The following TNRC6C variants were observed in gnomAD, a reference collection of about 807,000 sequenced individuals.
The protein encoded by TNRC6C is trinucleotide repeat-containing gene 6C protein.
A neutral mutation model predicts 153.7 loss-of-function variants in TNRC6C; 20 were observed. That is an observed-to-expected ratio of 0.13 (90% CI 0.09 to 0.19). TNRC6C has a LOEUF of 0.19. Ranked by LOEUF, TNRC6C falls within the 10% of genes least tolerant of loss-of-function variation. The probability of loss-of-function intolerance (pLI) is 1.00; values close to 1 mark genes in which losing one functional copy is unlikely to be tolerated. For synonymous variants in TNRC6C, 811 were observed against 841.4 expected (o/e 0.96, Z 0.63); for missense variants, 1,987 against 2,172.0 (o/e 0.91, Z 1.69).
At chr17:77,990,341 G>A (rs2071230794) in intron 1 of TNRC6C, among the ~76,000 whole-genome samples, 1 of 152,136 alleles carries the variant, frequency 6.6e-6, no homozygotes, top group Non-Finnish European at 1.5e-5. Flanking sequence ...TTACTCCCTT[G>A]CTTAAAATTC....
In TNRC6C at chr17:78,098,570, G is replaced by T. The variant is rs1275616445; in HGVS notation, c.4501+33G>T. ...CCATGCTCCTCGTGTTCCGATGGGG[G>T]CCTTACCCTTTAGGGGATGTGCTTA... On this transcript the variant is annotated intron_variant, in intron 17 of 19. Transcript: ENST00000301624. 6.3e-6 allele frequency: 10 copies of T among 1,593,810 alleles called. No individual in the cohort carries two copies. In the Middle Eastern group the frequency reaches 8.6e-4, roughly 137 times the overall value.
intron 13 of TNRC6C, among the ~76,000 whole-genome samples, chr17:78,087,995 G>A (rs756712192): frequency 2.5e-4 from 38 of 152,328 alleles, no homozygotes; most frequent in Middle Eastern, 3.4e-3. Context: ...TGCTATTAGA[G>A]TCTGTAGATA....
At chr17:77,981,751 G>T (rs2071080742) in intron 1 of TNRC6C, among the ~76,000 whole-genome samples, 1 of 152,112 alleles carries the variant, frequency 6.6e-6, no homozygotes, top group East Asian at 1.9e-4. Flanking sequence ...ATGTTTTATT[G>T]GTGGAACACC....
chr17:78,071,164 C>T (rs547751892), exon 6 of TNRC6C: 17 of 1,598,698 alleles, frequency 1.1e-5, no homozygotes, highest in African/African-American at 5.3e-5. Context: ...ATGGGCTTCC[C>T]GGTAACTGGC....
exon 20 of TNRC6C, chr17:78,106,695 T>G (rs1483316028): frequency 6.6e-6 from 1 of 152,020 alleles, no homozygotes; most frequent in Non-Finnish European, 1.5e-5. Context: ...AAAAATTGCT[T>G]TATGTTTTAA....
chr17:78,012,425 T>G (rs982759707), intron 1 of TNRC6C, among the ~76,000 whole-genome samples: 2 of 152,134 alleles, frequency 1.3e-5, no homozygotes, highest in Non-Finnish European at 2.9e-5. Flanking sequence ...AAATAATCTG[T>G]ACATCAAGCC....
intron 10 of TNRC6C, 62 bp from the exon 13 acceptor site, chr17:78,082,984 AC>A: frequency 6.3e-7 from 1 of 1,578,836 alleles, no homozygotes; most frequent in Non-Finnish European, 8.6e-7. Context: ...TTGAAAAACT[AC>A]AGGTACAAGT....
chr17:77,958,526 C>T (rs935693007), upstream of TNRC6C, among the ~76,000 whole-genome samples: 8 of 152,060 alleles, frequency 5.3e-5, no homozygotes, highest in African/African-American at 1.9e-4. Context: ...GGGAGGGGCG[C>T]GCGGGGGAGG....
intron 1 of TNRC6C, among the ~76,000 whole-genome samples, chr17:77,988,117 C>T (rs1470807758): frequency 1.3e-5 from 2 of 152,034 alleles, no homozygotes; most frequent in African/African-American, 4.8e-5. Flanking sequence ...TTTGGGAGGC[C>T]AAGGCAGGAG....
intron 15 of TNRC6C, 83 bp downstream of exon 17, chr17:78,093,207 C>A: frequency 1.4e-6 from 2 of 1,403,806 alleles, no homozygotes; most frequent in South Asian, 1.3e-5. Context: ...GCTGAGAGGA[C>A]CCAGAATCTG....
chr17:78,075,376 G>T lies in TNRC6C; in HGVS notation c.3060+98G>T. ...TACAAGCCAGATTAAAAACTTGCTG[G>T]ACTATAATACTTAAGTGACTTTTAT... On this transcript the variant is annotated intron_variant, in intron 8 of 19. Transcript: ENST00000301624. This position sits in a 1 kb window ranked among gnomAD's most constrained non-coding sequence, Gnocchi z 4.2. 1.4e-6 allele frequency: 2 copies of T among 1,393,430 alleles called. No individual in the cohort carries two copies. The highest frequency in any genetic ancestry group is 1.9e-6 in the Non-Finnish European group (2 of 1,037,238). 86.3% of individuals were successfully genotyped at this position (1,393,430 alleles called of 1,614,324 possible).
intron 2 of TNRC6C, among the ~76,000 whole-genome samples, chr17:78,041,451 A>G (rs1406373226): frequency 3.9e-5 from 6 of 152,218 alleles, no homozygotes; most frequent in Admixed American, 3.9e-4. Flanking sequence ...ATAGACTCTT[A>G]ACCTTGAGGA....
chr17:78,094,720 G>A (rs544054905), intron 16 of TNRC6C, among the ~76,000 whole-genome samples: 76 of 152,330 alleles, frequency 5.0e-4, no homozygotes, highest in African/African-American at 1.7e-3. Flanking sequence ...GATTACAGGC[G>A]TGAGCCAGTG....
intron 5 of TNRC6C, among the ~76,000 whole-genome samples, chr17:78,069,831 C>CGT (rs144224566): frequency 4.9e-4 from 74 of 151,838 alleles, no homozygotes; most frequent in Middle Eastern, 3.4e-3. Context: ...AGGAAGAAAA[C>CGT]GTGTGTGTGT....
chr17:78,097,428 G>A (rs934112893), intron 16 of TNRC6C, among the ~76,000 whole-genome samples: 1 of 152,190 alleles, frequency 6.6e-6, no homozygotes, highest in Non-Finnish European at 1.5e-5. Flanking sequence ...GAGGAAATCA[G>A]TGTGGTCCTT....
At chr17:78,011,699 A>G (rs569285035) in intron 1 of TNRC6C, among the ~76,000 whole-genome samples, 1 of 152,346 alleles carries the variant, frequency 6.6e-6, no homozygotes, top group East Asian at 1.9e-4. Context: ...GTAAATGTAT[A>G]ATAGTAAAAT....
chr17:78,065,399 G>C (rs1308101467), intron 4 of TNRC6C, among the ~76,000 whole-genome samples: 1 of 151,372 alleles, frequency 6.6e-6, no homozygotes, highest in Non-Finnish European at 1.5e-5. Context: ...TGCCATGCCT[G>C]ATACATGAAC....
Position 78,029,857 on chromosome 17 carries a change from G to C in TNRC6C, c.-545-1659G>C, listed in dbSNP as rs1159201032. Among the ~76,000 whole-genome samples the C allele has an allele frequency of 4.0e-5, 6 of 150,986 alleles. No homozygotes were observed. The South Asian group carries it at 1.0e-3, about 26-fold the overall frequency. On this transcript the variant is annotated intron_variant, in intron 1 of 19. Transcript: ENST00000301624. ...CACACATAAGCCAAGGCCTACACGAGGTCAGGATCATCAGTATCACTATCT... is the reference window on the plus strand; with the variant it reads ...CACACATAAGCCAAGGCCTACACGACGTCAGGATCATCAGTATCACTATCT...
intron 1 of TNRC6C, among the ~76,000 whole-genome samples, chr17:78,014,452 A>C (rs551589085): frequency 3.9e-5 from 6 of 152,194 alleles, no homozygotes; most frequent in African/African-American, 1.4e-4. Flanking sequence ...TTGATCTTCT[A>C]AATAAGCCTG....
Sources: gnomAD v4.1 joint callset for allele counts (sites outside exome capture counted in the v4.1 genomes callset) on GRCh38, gnomAD v4.1.1 for gene constraint, Gnocchi (gnomAD v3.1) non-coding constraint, MANE v1.5 for transcripts, NCBI Gene and HGNC (gene_info 2026-07-23, HGNC 2026-07-21) for gene names.